Variants in CYP2E1 observed in about 807,000 individuals in gnomAD.
CYP2E1 encodes cytochrome P450 2E1.
In CYP2E1, 31 loss-of-function variants were observed where a neutral mutation model predicts 42.9. The ratio of observed to expected loss-of-function variants is 0.72; its 90% CI spans 0.54 to 0.98. The LOEUF is 0.98. CYP2E1 is among the 50% of genes least tolerant of loss of function. The pLI, the probability that CYP2E1 is intolerant of heterozygous loss-of-function variation, is 0.00. For synonymous variants in CYP2E1, 244 were observed against 248.9 expected, an observed-to-expected ratio of 0.98 and a Z score of 0.19; for missense variants, 565 against 633.2, an observed-to-expected ratio of 0.89 and a Z score of 1.16.
At position 133,531,732 on chromosome 10, in the gene CYP2E1, A is replaced by C; in HGVS notation, c.485A>C (p.Gln162Pro). Reference sequence around the variant, plus strand: ...CTGCTGGAAGCACTCAGGAAGACCCAAGGTGCGTATCTGCTGCCTAGCAGG... The same window carrying C: ...CTGCTGGAAGCACTCAGGAAGACCCCAGGTGCGTATCTGCTGCCTAGCAGG... ...HFLLEALRKTQGQPFDPTFLI... is the reference protein window; with the variant it reads ...HFLLEALRKTPGQPFDPTFLI... The change falls in exon 3 of 9, where the codon CAA (glutamine) becomes CCA (proline). Residue 162 changes from glutamine to proline, a missense_variant and splice_region_variant. By Grantham distance (76) the Gln-to-Pro change is moderately conservative (BLOSUM62 -1). Transcript: ENST00000252945. 6.3e-7 allele frequency: 1 copy of C among 1,591,618 alleles called. No homozygotes were observed. Among genetic ancestry groups the C allele is most frequent in the African/African-American group, 1.3e-5 (1 of 74,608 alleles).
In CYP2E1 at chr10:133,536,414, C is replaced by CGGAT. The variant is rs1314200001; in HGVS notation, c.968-622_968-619dup. Among the ~76,000 whole-genome samples, 140 of 137,212 alleles carry CGGAT rather than the reference C, an allele frequency of 1.0e-3. 1 individual carries two copies. The highest frequency in any genetic ancestry group is 3.4e-3 in the African/African-American group (125 of 36,902). The allele number at this position is 137,212 out of a possible 152,430, so 90.0% of individuals were successfully genotyped here. On this transcript the variant is annotated intron_variant, in intron 6 of 8. Transcript: ENST00000252945. ...CTGGATGGGTGGGTGGATGGACGGA[C>CGGAT]GGATGGATGGATGGATGGATGGATG...
At chr10:133,538,711 T>C in intron 8 of CYP2E1, 69 bp from the exon 9 acceptor site, 1 of 1,397,500 alleles carries the variant, frequency 7.2e-7, no homozygotes, top group Non-Finnish European at 1.0e-6. Flanking sequence ...CTTCCCCTAG[T>C]CTCACTGTTA....
rs60719153 is a variant in CYP2E1, at chr10:133,531,623, C to T, written c.376C>T (p.Arg126Trp). The T allele has an allele frequency of 6.0e-5, 97 of 1,614,106 alleles. No homozygotes were observed. The Middle Eastern group carries it at 2.0e-3, about 33-fold the overall frequency. Residue 126 changes from arginine to tryptophan, a missense_variant, in exon 3 of 9, where the codon CGG (arginine) becomes TGG (tryptophan). Physicochemically the swap from Arg to Trp is moderately radical, Grantham distance 101 (BLOSUM62 -3). Coordinates refer to ENST00000252945, the MANE Select transcript of CYP2E1 (RefSeq NM_000773.4). Reference sequence around the variant, plus strand: ...TAATGGACCTACCTGGAAGGACATCCGGCGGTTTTCCCTGACCACCCTCCG... The same window carrying T: ...TAATGGACCTACCTGGAAGGACATCTGGCGGTTTTCCCTGACCACCCTCCG... ...FNNGPTWKDI[R>W]RFSLTTLRNY...
chr10:133,534,039 C>A, intron 6 of CYP2E1, 142 bp downstream of exon 6: 1 of 896,170 alleles, frequency 1.1e-6, no homozygotes. Flanking sequence ...AGATGCACTG[C>A]TGTGAGGGGA....
intron 2 of CYP2E1, among the ~76,000 whole-genome samples, chr10:133,530,321 A>G (rs964508289): frequency 6.6e-6 from 1 of 152,214 alleles, no homozygotes; most frequent in South Asian, 2.1e-4. Flanking sequence ...TTCCCAACCT[A>G]GATTTTTAAC....
intron 2 of CYP2E1, among the ~76,000 whole-genome samples, chr10:133,530,233 G>A (rs546293234): frequency 2.0e-5 from 3 of 152,340 alleles, no homozygotes; most frequent in African/African-American, 7.2e-5. Flanking sequence ...ACAATACTGA[G>A]CACAGGCTGT....
At chr10:133,529,765 C>T (rs1851315071) in intron 2 of CYP2E1, among the ~76,000 whole-genome samples, 1 of 152,232 alleles carries the variant, frequency 6.6e-6, no homozygotes, top group African/African-American at 2.4e-5. Context: ...CAGGTTCCCG[C>T]GCCAGGACCG....
At chr10:133,532,090 C>T in intron 3 of CYP2E1, 34 bp from the exon 4 acceptor site, 1 of 1,602,582 alleles carries the variant, frequency 6.2e-7, no homozygotes, top group Non-Finnish European at 8.5e-7. Context: ...TCCTCACCCC[C>T]ATCTTCTGGT....
In CYP2E1 at chr10:133,533,906, G is replaced by A; in HGVS notation, c.967+9G>A. Reference sequence around the variant, plus strand: ...ATACCCTGAGATCGAAGGTAGGCAAGTGACTGAAGGGACACCGTGCGTGCG... The same window carrying A: ...ATACCCTGAGATCGAAGGTAGGCAAATGACTGAAGGGACACCGTGCGTGCG... On this transcript the variant is annotated intron_variant, in intron 6 of 8. Transcript: ENST00000252945. 1.2e-6 allele frequency: 2 copies of A among 1,613,954 alleles called. No individual in the cohort carries two copies.
Position 133,531,609 on chromosome 10 carries a change from C to T in CYP2E1, c.362C>T (p.Thr121Ile), listed in dbSNP as rs779948307. Residue 121 changes from threonine (T) to isoleucine (I), a missense_variant, in exon 3 of 9, where the codon ACC (threonine) becomes ATC (isoleucine). Thr to Ile is a moderately conservative substitution (Grantham distance 89, BLOSUM62 -1). Transcript: ENST00000252945. ...DRGIIFNNGP[T>I]WKDIRRFSLT... ...GGAATCATTTTTAATAATGGACCTA[C>T]CTGGAAGGACATCCGGCGGTTTTCC... 3 of 1,614,136 alleles carry T rather than the reference C, an allele frequency of 1.9e-6. No homozygotes were observed. The East Asian group carries it at 6.7e-5, about 36-fold the overall frequency.
intron 8 of CYP2E1, among the ~76,000 whole-genome samples, chr10:133,538,190 T>C (rs1329350755): frequency 6.6e-6 from 1 of 152,154 alleles, no homozygotes; most frequent in Non-Finnish European, 1.5e-5. Context: ...TAACAAGACT[T>C]AGTGAAAAGC....
chr10:133,534,538 G>T (rs1851375299), intron 6 of CYP2E1, among the ~76,000 whole-genome samples: 1 of 152,210 alleles, frequency 6.6e-6, no homozygotes, highest in African/African-American at 2.4e-5. Context: ...AAACAGGCCA[G>T]TCAGGGTTGG....
At position 133,538,985 on chromosome 10, in the gene CYP2E1, AC is replaced by A. The variant is rs754774326; in HGVS notation, c.*27del. 5.2e-6 allele frequency: 8 copies of A among 1,544,242 alleles called. No individual in the cohort carries two copies. Among genetic ancestry groups the A allele is most frequent in the South Asian group, 1.3e-5 (1 of 79,820 alleles). On this transcript the variant is annotated 3_prime_UTR_variant, in exon 9 of 9. Coordinates refer to ENST00000252945, the MANE Select transcript of CYP2E1 (RefSeq NM_000773.4). ...CATGAGTGTGTGGAGGACACCCTGAACCCCCCGCTTTCAAACAAGTTTTCAA... is the reference window on the plus strand; with the variant it reads ...CATGAGTGTGTGGAGGACACCCTGAACCCCCGCTTTCAAACAAGTTTTCAA...
At chr10:133,529,561 G>A (rs1182837389) in intron 2 of CYP2E1, among the ~76,000 whole-genome samples, 3 of 152,260 alleles carry the variant, frequency 2.0e-5, no homozygotes, top group Non-Finnish European at 4.4e-5. Flanking sequence ...CGGTGAGCTC[G>A]TGCTCTTGCC....
chr10:133,532,597 G>A, intron 4 of CYP2E1, 95 bp from the exon 5 acceptor site: 1 of 1,140,620 alleles, frequency 8.8e-7, no homozygotes, highest in Non-Finnish European at 1.3e-6. Flanking sequence ...AATGATTACA[G>A]CCACAAATTC....
chr10:133,538,227 C>T (rs1469753168), intron 8 of CYP2E1, among the ~76,000 whole-genome samples: 2 of 152,064 alleles, frequency 1.3e-5, no homozygotes, highest in African/African-American at 2.4e-5. Context: ...CCCAATTCTC[C>T]CTAATTTTAA....
rs41299408 is a variant in CYP2E1 at position 133,528,382 on chromosome 10, C to A, written c.178-99C>A. ...TTTTCCCCACGTCCCTCTGGGTTCT[C>A]TAGAGCAACAGCAATACCCGCCCGG... On this transcript the variant is annotated intron_variant, in intron 1 of 8. Transcript: ENST00000252945. The A allele has an allele frequency of 8.9e-4, 1,272 of 1,428,886 alleles. 17 individuals carry two copies. In the East Asian group the frequency reaches 0.028, roughly 32 times the overall value. The allele number at this position is 1,428,886 out of a possible 1,614,324, so 88.5% of individuals were successfully genotyped here.
intron 4 of CYP2E1, 141 bp from the exon 5 acceptor site, chr10:133,532,548 CAAG>C (rs1851352134): frequency 1.2e-6 from 1 of 811,538 alleles, no homozygotes; most frequent in Admixed American, 2.4e-5. Flanking sequence ...GAATGGTGCC[CAAG>C]AAGGACACTG....
In CYP2E1 at chr10:133,539,105, C is replaced by G; in HGVS notation, c.*141C>G. 6 of 551,490 alleles carry G rather than the reference C, an allele frequency of 1.1e-5. No individual in the cohort carries two copies. Among genetic ancestry groups the G allele is most frequent in the Non-Finnish European group, 1.8e-5 (6 of 337,528 alleles). The allele number at this position is 551,490 out of a possible 1,614,324, so 34.2% of individuals were successfully genotyped here. ...TTCCCAGAATATAAATAAATCATCA[C>G]ATGATTATTTTAACTATATGTTAAG... On this transcript the variant is annotated 3_prime_UTR_variant, in exon 9 of 9. Transcript: ENST00000252945.
Sources: gnomAD v4.1 joint callset for allele counts (sites outside exome capture counted in the v4.1 genomes callset) on GRCh38, gnomAD v4.1.1 for gene constraint, MANE v1.5 for transcripts, NCBI Gene and HGNC (gene_info 2026-07-23, HGNC 2026-07-21) for gene names.